Variants in UGT8 observed in about 807,000 individuals in gnomAD.
The protein encoded by UGT8 is UDP glycosyltransferase 8, also known as 2-hydroxyacylsphingosine 1-beta-galactosyltransferase.
A neutral mutation model predicts 40.5 loss-of-function variants in UGT8; 12 were observed. The ratio of observed to expected loss-of-function variants is 0.30; its 90% CI spans 0.19 to 0.48. The LOEUF is 0.48. Among genes scored for constraint, UGT8 ranks in the 20% least tolerant of loss-of-function variants. The pLI is 0.99. For synonymous variants in UGT8, 224 were observed against 240.4 expected, an observed-to-expected ratio of 0.93 and a Z score of 0.63; for missense variants, 513 against 648.7, an observed-to-expected ratio of 0.79 and a Z score of 2.27.
intron 1 of UGT8, among the ~76,000 whole-genome samples, chr4:114,619,759 A>G (rs1369666241): frequency 1.3e-5 from 2 of 151,922 alleles, no homozygotes; most frequent in Admixed American, 6.6e-5. Flanking sequence ...GATGGTAATA[A>G]TCCTCTCCTG....
At chr4:114,669,036 A>C (rs1453784857) in intron 5 of UGT8, among the ~76,000 whole-genome samples, 2 of 152,182 alleles carry the variant, frequency 1.3e-5, no homozygotes, top group Non-Finnish European at 2.9e-5. Context: ...GAAGCGTATA[A>C]GCTTTTTCTT....
intron 2 of UGT8, among the ~76,000 whole-genome samples, chr4:114,646,731 G>T (rs1190430207): frequency 6.6e-6 from 1 of 152,182 alleles, no homozygotes; most frequent in Non-Finnish European, 1.5e-5. Flanking sequence ...AGATTTCCAT[G>T]CTATGTGATG....
chr4:114,658,952 C>T (rs1168905082), intron 2 of UGT8, among the ~76,000 whole-genome samples: 1 of 152,084 alleles, frequency 6.6e-6, no homozygotes, highest in African/African-American at 2.4e-5. Context: ...CTGTTCTGCC[C>T]CATCTCCAGC....
rs141691690 is a variant in UGT8 at position 114,623,316 on chromosome 4, G to T, written c.436G>T (p.Val146Leu). 5 of 1,614,026 alleles carry T rather than the reference G, an allele frequency of 3.1e-6. No homozygotes were observed. The highest frequency in any genetic ancestry group is 4.2e-6 in the Non-Finnish European group (5 of 1,180,026). Reference protein sequence around the residue: ...LVDPNDMCGFVIAHLLGVKYA... With the variant: ...LVDPNDMCGFLIAHLLGVKYA... ...GGACCCTAATGATATGTGTGGATTT[G>T]TGATAGCTCATCTTTTAGGGGTTAA... The change falls in exon 2 of 6, where the codon GTG becomes TTG. Residue 146 changes from valine (V) to leucine (L), a missense_variant. Val to Leu is a conservative substitution (Grantham distance 32). Coordinates refer to ENST00000310836, the MANE Select transcript of UGT8 (RefSeq NM_001128174.3).
At chr4:114,665,836 C>G (rs1158988295) in intron 4 of UGT8, 80 bp downstream of exon 4, 1 of 1,109,684 alleles carries the variant, frequency 9.0e-7, no homozygotes, top group South Asian at 1.5e-5. Flanking sequence ...TTTTTTACTT[C>G]AGAGGTTCAT....
At chr4:114,613,929 C>G (rs1337549131) in intron 1 of UGT8, among the ~76,000 whole-genome samples, 1 of 152,216 alleles carries the variant, frequency 6.6e-6, no homozygotes, top group Non-Finnish European at 1.5e-5. Context: ...TAATCACCAT[C>G]ATCAGGCATT....
At chr4:114,615,780 C>A (rs899135919) in intron 1 of UGT8, among the ~76,000 whole-genome samples, 2 of 152,194 alleles carry the variant, frequency 1.3e-5, no homozygotes, top group Non-Finnish European at 2.9e-5. Flanking sequence ...TTAAGTAGAA[C>A]TTATTTATGT....
chr4:114,630,114 T>C (rs1436300199), intron 2 of UGT8, among the ~76,000 whole-genome samples: 3 of 148,886 alleles, frequency 2.0e-5, no homozygotes, highest in Non-Finnish European at 4.5e-5. Flanking sequence ...GATCTATTTC[T>C]GAGCTCAGAT....
chr4:114,657,884 C>T (rs1180520095), intron 2 of UGT8, among the ~76,000 whole-genome samples: 1 of 152,108 alleles, frequency 6.6e-6, no homozygotes, highest in Non-Finnish European at 1.5e-5. Flanking sequence ...GAAGCTGGGC[C>T]TCAGAGAGAA....
At chr4:114,620,872 A>G (rs1167369038) in intron 1 of UGT8, among the ~76,000 whole-genome samples, 10 of 152,186 alleles carry the variant, frequency 6.6e-5, no homozygotes, top group Admixed American at 5.9e-4. Context: ...TTATACAAAT[A>G]GGAGGGTTAA....
At chr4:114,602,445 A>G (rs1460117597) in intron 1 of UGT8, among the ~76,000 whole-genome samples, 1 of 152,234 alleles carries the variant, frequency 6.6e-6, no homozygotes, top group African/African-American at 2.4e-5. Context: ...ACATAATCAA[A>G]TACATATGAT....
chr4:114,665,451 A>T, intron 3 of UGT8: 1 of 985,382 alleles, frequency 1.0e-6, no homozygotes, highest in Non-Finnish European at 1.2e-6. Flanking sequence ...AATGGAAAAT[A>T]GATCTCTATG....
intron 2 of UGT8, among the ~76,000 whole-genome samples, chr4:114,656,582 C>T (rs1734199679): frequency 6.6e-6 from 1 of 152,198 alleles, no homozygotes; most frequent in Admixed American, 6.5e-5. Context: ...CTGCATCTTA[C>T]ACCTAGGAGA....
chr4:114,654,112 C>T (rs6821027), intron 2 of UGT8, among the ~76,000 whole-genome samples: 133,589 of 152,022 alleles, frequency 0.88, 60,452 homozygotes, highest in East Asian at 1. Flanking sequence ...ATTTTCTTTG[C>T]TGGAGTATTA....
intron 2 of UGT8, among the ~76,000 whole-genome samples, chr4:114,653,335 A>G (rs1052295832): frequency 4.6e-5 from 7 of 152,052 alleles, no homozygotes; most frequent in African/African-American, 1.2e-4. Context: ...AGCTTTATAC[A>G]TACTACACTA....
At chr4:114,662,553 G>A (rs1734606100) in intron 2 of UGT8, among the ~76,000 whole-genome samples, 4 of 152,228 alleles carry the variant, frequency 2.6e-5, no homozygotes, top group Admixed American at 2.0e-4. Flanking sequence ...GATAATGGTA[G>A]CCTATTTTAC....
At chr4:114,623,723 T>C (rs1732003267) in intron 2 of UGT8, 21 bp downstream of exon 2, 1 of 1,557,236 alleles carries the variant, frequency 6.4e-7, no homozygotes, top group Admixed American at 2.1e-5. Flanking sequence ...CCGAATTCCT[T>C]GGTAATTCTT....
chr4:114,614,277 C>T (rs1731262529), intron 1 of UGT8, among the ~76,000 whole-genome samples: 1 of 152,148 alleles, frequency 6.6e-6, no homozygotes. Context: ...TTTTGTATTT[C>T]TCTTGGCACT....
At chr4:114,674,068 T>G (rs985081922) in intron 5 of UGT8, among the ~76,000 whole-genome samples, 4 of 152,192 alleles carry the variant, frequency 2.6e-5, no homozygotes, top group African/African-American at 9.7e-5. Context: ...TTTTTTTGCA[T>G]AATTGTTAAA....
Sources: allele counts gnomAD v4.1 joint callset (sites outside exome capture counted in the v4.1 genomes callset), GRCh38; gene constraint gnomAD v4.1.1; transcripts MANE v1.5; gene names NCBI Gene and HGNC (gene_info 2026-07-23, HGNC 2026-07-21).